MPP3: variants seen among roughly 807,000 people sequenced by gnomAD.
The protein encoded by MPP3 is MAGUK p55 subfamily member 3.
MPP3 carries 48 observed loss-of-function variants against 80.7 expected under a neutral mutation model. That is an observed-to-expected ratio of 0.59 (90% CI 0.47 to 0.76). The LOEUF is 0.76. MPP3 is among the 30% of genes least tolerant of loss of function. MPP3 has a pLI of 0.00. For synonymous variants in MPP3, 311 were observed against 297.6 expected, an observed-to-expected ratio of 1.04 and a Z score of -0.46; for missense variants, 620 against 763.0, an observed-to-expected ratio of 0.81 and a Z score of 2.21.
At chr17:43,831,108 A>T (rs1346649770) in intron 5 of MPP3, 136 bp downstream of exon 5, 2 of 768,516 alleles carry the variant, frequency 2.6e-6, no homozygotes, top group East Asian at 5.1e-5. Context: ...AAGGAGGAGG[A>T]CAAGGGAAGA....
intron 19 of MPP3, among the ~76,000 whole-genome samples, chr17:43,806,549 A>C (rs942575353): frequency 1.3e-5 from 2 of 152,166 alleles, no homozygotes; most frequent in African/African-American, 4.8e-5. Flanking sequence ...CTGAGTCCTG[A>C]CAGTGAACAT....
intron 8 of MPP3, among the ~76,000 whole-genome samples, chr17:43,826,184 T>C (rs2045687608): frequency 6.6e-6 from 1 of 152,260 alleles, no homozygotes; most frequent in Non-Finnish European, 1.5e-5. Context: ...CTTTTTGCTA[T>C]AATCTCTGCT....
At chr17:43,804,999 C>T (rs2044558306) in intron 19 of MPP3, among the ~76,000 whole-genome samples, 3 of 151,858 alleles carry the variant, frequency 2.0e-5, no homozygotes, top group African/African-American at 7.3e-5. Context: ...GCCTGGGCAA[C>T]AAGAACGAAA....
intron 13 of MPP3, among the ~76,000 whole-genome samples, chr17:43,816,379 C>T (rs1983783816): frequency 6.6e-6 from 1 of 152,242 alleles, no homozygotes; most frequent in Non-Finnish European, 1.5e-5. Context: ...CCAGCCTGCC[C>T]TGCCCTCCCA....
chr17:43,818,135 G>C (rs746663737), intron 11 of MPP3, 25 bp from the exon 12 acceptor site: 1 of 1,486,468 alleles, frequency 6.7e-7, no homozygotes, highest in South Asian at 1.4e-5. Flanking sequence ...GGGGATGGGC[G>C]GGCCCGTGAG....
chr17:43,832,001 AACTG>A, intron 2 of MPP3, 58 bp from the exon 3 acceptor site: 2 of 1,064,602 alleles, frequency 1.9e-6, no homozygotes, highest in Admixed American at 3.9e-5. Context: ...TTATTGAACA[AACTG>A]ACTACACATC....
At position 43,816,695 on chromosome 17, in the gene MPP3, C is replaced by G. The variant is rs2045155738; in HGVS notation, c.949G>C (p.Asp317His). 16 of 1,576,180 alleles carry G rather than the reference C, an allele frequency of 1.0e-5. No individual in the cohort carries two copies. Among genetic ancestry groups the G allele is most frequent in the Non-Finnish European group, 1.4e-5 (16 of 1,160,300 alleles). The change falls in exon 13 of 20, where the codon GAT becomes CAT. Residue 317 changes from aspartate to histidine, a missense_variant and splice_region_variant. Asp to His is a moderately conservative substitution (Grantham distance 81). Transcript: ENST00000398389. ...SPQSLRKPPY[D>H]QPCDKETCDC... ...GGCCTACCTTTGTCACAAGGCTGAT[C>G]ATCTGCGGTTTGCACAAAAGACAGA...
At chr17:43,810,427 G>A (rs1352708803) in intron 18 of MPP3, among the ~76,000 whole-genome samples, 2 of 152,062 alleles carry the variant, frequency 1.3e-5, no homozygotes, top group African/African-American at 4.8e-5. Flanking sequence ...GCCCTGGTTG[G>A]GGAGGGGGAG....
Position 43,816,060 on chromosome 17 carries a change from G to A in MPP3, c.987C>T (p.Gly329=). The A allele has an allele frequency of 6.6e-7, 1 of 1,508,216 alleles. No individual in the cohort carries two copies. Among genetic ancestry groups the A allele is most frequent in the South Asian group, 1.3e-5 (1 of 77,162 alleles). The allele number at this position is 1,508,216 out of a possible 1,614,324, so 93.4% of individuals were successfully genotyped here. A position where few individuals can be genotyped will look rare whatever the true frequency, so the allele number is the denominator to read the frequency against. Residue 329 remains glycine, a synonymous_variant, in exon 14 of 20, where the codon GGC becomes GGT. Transcript: ENST00000398389. ...TACCCACATAGTGCCCTTTGAGGTA[G>A]CCCTCACAGTCACAGGTCTCTGGGA... The part of the protein sequence containing the change: ...PCDKETCDCE[G]YLKGHYVAGL...
chr17:43,832,247 G>C (rs780848212), intron 2 of MPP3: 6 of 391,004 alleles, frequency 1.5e-5, no homozygotes, highest in Non-Finnish European at 2.7e-5. Flanking sequence ...GAAGCTTTCA[G>C]TAAGCTGTGG....
chr17:43,814,526 A>T (rs2045022944), intron 14 of MPP3, 165 bp from the exon 15 acceptor site: 1 of 609,588 alleles, frequency 1.6e-6, no homozygotes. Flanking sequence ...GAAATACAAT[A>T]ATAAGATGAA....
In MPP3 at chr17:43,825,968, A is replaced by G. The variant is rs957271430; in HGVS notation, c.524-127T>C. The G allele has an allele frequency of 7.6e-6, 5 of 654,442 alleles. No individual in the cohort carries two copies. The African/African-American group carries it at 8.9e-5, about 12-fold the overall frequency. 40.5% of individuals were successfully genotyped at this position (654,442 alleles called of 1,614,324 possible). A position where few individuals can be genotyped will look rare whatever the true frequency, so the allele number is the denominator to read the frequency against. The stretch of plus-strand genomic sequence containing the variant: ...AGGGCCAACTCGAGGTTTAAAGTTG[A>G]TGGGTGGGACTGGGGCGAACTAAGC... On this transcript the variant is annotated intron_variant, in intron 8 of 19. Transcript: ENST00000398389.
At chr17:43,805,670 G>A (rs2044586766) in intron 19 of MPP3, among the ~76,000 whole-genome samples, 2 of 152,178 alleles carry the variant, frequency 1.3e-5, no homozygotes, top group Non-Finnish European at 2.9e-5. Flanking sequence ...ATTATATTAA[G>A]TGAAAAAAGC....
chr17:43,830,906 T>C (rs1405473278), intron 5 of MPP3, among the ~76,000 whole-genome samples: 4 of 152,222 alleles, frequency 2.6e-5, no homozygotes, highest in African/African-American at 9.6e-5. Context: ...CTTATTGACC[T>C]ATTCAAATCA....
rs115119854 is a variant in MPP3, at chr17:43,824,450, C to A, written c.610-445G>T. Among the ~76,000 whole-genome samples, 641 of 152,216 alleles carry A rather than the reference C, an allele frequency of 4.2e-3. 5 individuals are homozygous for A. Among genetic ancestry groups the A allele is most frequent in the African/African-American group, 0.013 (551 of 41,522 alleles). The stretch of plus-strand genomic sequence containing the variant: ...TGCCTCTTTCCTGCCTGATTTGGGG[C>A]TGGTCTCTGATTAATACTTCCCTCT... On this transcript the variant is annotated intron_variant, in intron 9 of 19. Coordinates refer to ENST00000398389, the MANE Select transcript of MPP3 (RefSeq NM_001932.6).
chr17:43,827,774 C>G lies in MPP3; in HGVS notation c.500G>C (p.Arg167Pro). 1 of 1,612,484 alleles carries G rather than the reference C, an allele frequency of 6.2e-7. No homozygotes were observed. The highest frequency in any genetic ancestry group is 1.1e-5 in the South Asian group (1 of 91,086). ...ACCGCTCCTGTCTGCTGCGCCTCCTCGCATGATCCTGGCCACCACAACAGC... is the reference window on the plus strand; with the variant it reads ...ACCGCTCCTGTCTGCTGCGCCTCCTGGCATGATCCTGGCCACCACAACAGC... ...SGAVVVARIM[R>P]GGAADRSGLV... Residue 167 changes from arginine to proline, a missense_variant, in exon 8 of 20, where the codon CGA (arginine) becomes CCA (proline). Arg to Pro is a moderately radical substitution (Grantham distance 103, BLOSUM62 -2). Coordinates refer to ENST00000398389, the MANE Select transcript of MPP3 (RefSeq NM_001932.6).
intron 19 of MPP3, among the ~76,000 whole-genome samples, chr17:43,803,813 G>A (rs1275439780): frequency 2.6e-5 from 4 of 152,268 alleles, no homozygotes; most frequent in Non-Finnish European, 4.4e-5. Context: ...GTGTTGAACA[G>A]CCTCACTGTG....
Position 43,831,619 on chromosome 17 carries a change from C to T in MPP3, c.84G>A (p.Lys28=). ...TSQLRPDSNH[K]EEMGFLRDVF... is the part of the protein sequence containing the mutation. ...CATCCCTCAGGAAGCCCATCTCCTC[C>T]TTGTGGTTGGAGTCAGGTCTGAGCT... The change falls in exon 4 of 20, where the codon AAG becomes AAA. Residue 28 remains lysine (K), a synonymous_variant. Coordinates refer to ENST00000398389, the MANE Select transcript of MPP3 (RefSeq NM_001932.6). 6.2e-7 allele frequency: 1 copy of T among 1,614,004 alleles called. No homozygotes were observed. Among genetic ancestry groups the T allele is most frequent in the Non-Finnish European group, 8.5e-7 (1 of 1,179,928 alleles).
intron 19 of MPP3, among the ~76,000 whole-genome samples, chr17:43,803,701 T>C (rs2154591070): frequency 6.6e-6 from 1 of 152,302 alleles, no homozygotes. Flanking sequence ...TCTGCCAACA[T>C]ACATCAAAAC....
Sources: gnomAD v4.1 joint callset for allele counts (sites outside exome capture counted in the v4.1 genomes callset) on GRCh38, gnomAD v4.1.1 for gene constraint, MANE v1.5 for transcripts, NCBI Gene and HGNC (gene_info 2026-07-23, HGNC 2026-07-21) for gene names.